The following IL1RAPL1 variants were observed in gnomAD, a reference collection of about 807,000 sequenced individuals.
IL1RAPL1 encodes the protein interleukin 1 receptor accessory protein like 1.
In IL1RAPL1, 3 loss-of-function variants were observed where a neutral mutation model predicts 48.4. The ratio of observed to expected loss-of-function variants is 0.06; its 90% CI spans 0.03 to 0.16. The LOEUF (loss-of-function observed/expected upper bound fraction) is 0.16, where lower values mean the gene tolerates loss of function less well. IL1RAPL1 is among the 10% of genes least tolerant of loss of function. IL1RAPL1 has a pLI of 1.00. For missense variants in IL1RAPL1, 349 were observed against 530.6 expected (o/e 0.66, Z 3.36); for synonymous variants, 185 against 187.7 (o/e 0.99, Z 0.12).
rs765088971 is a variant in IL1RAPL1 at position 28,968,748 on chromosome X, T to C, written c.82+179323T>C. ...ATTCTACAGAGGTTATGCAAATTTATGTGTATACTCACATATGTGCACATT... is the reference window on the plus strand; with the variant it reads ...ATTCTACAGAGGTTATGCAAATTTACGTGTATACTCACATATGTGCACATT... On this transcript the variant is annotated intron_variant, in intron 2 of 10. Coordinates refer to ENST00000378993, the MANE Select transcript of IL1RAPL1 (RefSeq NM_014271.4). Among the ~76,000 whole-genome samples, 22 of 112,998 alleles carry C rather than the reference T, an allele frequency of 1.9e-4. No individual in the cohort carries two copies. In the South Asian group the frequency reaches 2.9e-3, roughly 15 times the overall value.
rs753694610 is a variant in IL1RAPL1, at chrX:29,384,311, A to G, written c.363-11947A>G. Among the ~76,000 whole-genome samples, 3 of 111,825 alleles carry G rather than the reference A, an allele frequency of 2.7e-5. No individual in the cohort carries two copies. In the Admixed American group the frequency reaches 2.9e-4, roughly 11 times the overall value. On this transcript the variant is annotated intron_variant, in intron 3 of 10. Transcript: ENST00000378993. ...GAAGTCATGTTACCAGAACCCAGAA[A>G]CTGAAAGGATAGATCCCCTCTTGTA...
At chrX:29,869,900 A>C (rs970693971) in intron 6 of IL1RAPL1, among the ~76,000 whole-genome samples, 2 of 110,448 alleles carry the variant, frequency 1.8e-5, no homozygotes, top group Non-Finnish European at 3.8e-5. Flanking sequence ...GTCACAGTAC[A>C]TTAGTATGGC....
intron 1 of IL1RAPL1, among the ~76,000 whole-genome samples, chrX:28,661,895 G>T (rs197020): frequency 4.9e-4 from 54 of 110,606 alleles, no homozygotes; most frequent in Non-Finnish European, 7.7e-4. Flanking sequence ...ATTATGCTAC[G>T]TGCTTGTCCC....
At chrX:29,092,621 T>C (rs1001860708) in intron 2 of IL1RAPL1, among the ~76,000 whole-genome samples, 2 of 112,096 alleles carry the variant, frequency 1.8e-5, no homozygotes, top group African/African-American at 6.5e-5. Flanking sequence ...AATACTACTG[T>C]TTTAATTAAT....
At chrX:29,325,055 G>A (rs1932834582) in intron 3 of IL1RAPL1, among the ~76,000 whole-genome samples, 1 of 111,786 alleles carries the variant, frequency 8.9e-6, no homozygotes, top group Admixed American at 9.5e-5. Context: ...TCTCTCTCAT[G>A]TAGCATCAGA....
At chrX:28,751,755 A>G (rs1936046130) in intron 1 of IL1RAPL1, among the ~76,000 whole-genome samples, 1 of 112,171 alleles carries the variant, frequency 8.9e-6, no homozygotes, top group Non-Finnish European at 1.9e-5. Context: ...GTTTGATTTC[A>G]ATGTACATCT....
At chrX:29,448,293 GA>G (rs1019817132) in intron 5 of IL1RAPL1, among the ~76,000 whole-genome samples, 2 of 111,681 alleles carry the variant, frequency 1.8e-5, no homozygotes, top group African/African-American at 6.5e-5. Context: ...TCTCCCTGCT[GA>G]AATCTAAAGA....
chrX:29,158,851 G>A (rs190489232), intron 2 of IL1RAPL1, among the ~76,000 whole-genome samples: 1 of 108,990 alleles, frequency 9.2e-6, no homozygotes, highest in Non-Finnish European at 1.9e-5. Context: ...TGAGTAGCAC[G>A]TTGCGCTGTC....
chrX:29,033,136 TA>T (rs1926657693), intron 2 of IL1RAPL1, among the ~76,000 whole-genome samples: 1 of 111,600 alleles, frequency 9.0e-6, no homozygotes, highest in Non-Finnish European at 1.9e-5. Context: ...CTAATTTTAA[TA>T]AATTTATCAA....
intron 1 of IL1RAPL1, among the ~76,000 whole-genome samples, chrX:28,704,851 T>A (rs1172146645): frequency 4.0e-4 from 23 of 57,764 alleles, no homozygotes; most frequent in East Asian, 8.6e-4. Context: ...AAAAAAAAAC[T>A]GTGACTGGAG....
At chrX:28,676,566 CTACTAAAAA>C (rs779616551) in intron 1 of IL1RAPL1, among the ~76,000 whole-genome samples, 1 of 110,753 alleles carries the variant, frequency 9.0e-6, no homozygotes, top group Non-Finnish European at 1.9e-5. Flanking sequence ...AACCCCGTCT[CTACTAAAAA>C]TACAAAAGTT....
At chrX:29,054,960 C>T (rs953947198) in intron 2 of IL1RAPL1, among the ~76,000 whole-genome samples, 3 of 111,847 alleles carry the variant, frequency 2.7e-5, no homozygotes, top group African/African-American at 9.7e-5. Context: ...GATTGAAAGG[C>T]AGACTAGTAG....
chrX:29,179,106 A>G (rs1252318423), intron 2 of IL1RAPL1, among the ~76,000 whole-genome samples: 2 of 110,971 alleles, frequency 1.8e-5, no homozygotes, highest in African/African-American at 6.6e-5. Context: ...TATGAACTTT[A>G]AAGTAGTTTT....
chrX:29,236,453 T>TG (rs756131050), intron 2 of IL1RAPL1, among the ~76,000 whole-genome samples: 6 of 110,096 alleles, frequency 5.4e-5, no homozygotes, highest in African/African-American at 1.7e-4. Flanking sequence ...AAAGATAAAC[T>TG]GTAGGTGTAA....
chrX:29,915,376 G>A (rs1932789743), intron 6 of IL1RAPL1, among the ~76,000 whole-genome samples: 1 of 111,216 alleles, frequency 9.0e-6, no homozygotes, highest in East Asian at 2.8e-4. Context: ...AAATAGAGAA[G>A]GCTATATCAT....
intron 6 of IL1RAPL1, among the ~76,000 whole-genome samples, chrX:29,722,959 A>G (rs1302779644): frequency 3.6e-5 from 4 of 112,320 alleles, no homozygotes; most frequent in Non-Finnish European, 5.6e-5. Context: ...CATTTCTTAT[A>G]AAGTTTATTC....
At chrX:29,080,960 CTTTCTTTCTTTCTTTCTTTCTT>C (rs1569232684) in intron 2 of IL1RAPL1, among the ~76,000 whole-genome samples, 13 of 40,260 alleles carry the variant, frequency 3.2e-4, no homozygotes, top group African/African-American at 1.3e-3. Flanking sequence ...TTCTTTCTTT[CTTTCTTTCTTTCTTTCTTTCTT>C]TCTTTCTTTC....
chrX:29,324,040 T>A (rs1256404646), intron 3 of IL1RAPL1, among the ~76,000 whole-genome samples: 1 of 107,865 alleles, frequency 9.3e-6, no homozygotes, highest in Non-Finnish European at 1.9e-5. Flanking sequence ...TCACATTACA[T>A]ATACACTTTC....
chrX:29,818,814 A>G lies in IL1RAPL1; in HGVS notation c.779-98650A>G, dbSNP rs752694564. ...ACTCATATAATATTCCAATTAACTT[A>G]GCCTTTTAATTGTTTCCCAAAGGCC... is the stretch of plus-strand genomic sequence containing the variant. On this transcript the variant is annotated intron_variant, in intron 6 of 10. Transcript: ENST00000378993. Among the ~76,000 whole-genome samples, 4 of 112,609 alleles carry G rather than the reference A, an allele frequency of 3.6e-5. No individual in the cohort carries two copies. The Admixed American group carries it at 3.8e-4, about 11-fold the overall frequency.
Sources: allele counts gnomAD v4.1 joint callset (sites outside exome capture counted in the v4.1 genomes callset), GRCh38; gene constraint gnomAD v4.1.1; transcripts MANE v1.5; gene names NCBI Gene and HGNC (gene_info 2026-07-23, HGNC 2026-07-21).